The following DOCK4 variants were observed in gnomAD, a reference collection of about 807,000 sequenced individuals.
DOCK4 encodes the protein dedicator of cytokinesis 4.
DOCK4 carries 97 observed loss-of-function variants against 268.1 expected under a neutral mutation model. The ratio of observed to expected loss-of-function variants is 0.36; its 90% CI spans 0.31 to 0.43. The LOEUF (loss-of-function observed/expected upper bound fraction) is 0.43. Ranked by LOEUF, DOCK4 falls within the 20% of genes least tolerant of loss-of-function variation. The probability of loss-of-function intolerance (pLI) is 1.00; values close to 1 mark genes in which losing one functional copy is unlikely to be tolerated. For synonymous variants in DOCK4, 954 were observed against 887.2 expected (o/e 1.08, Z -1.34); for missense variants, 2,145 against 2,455.7 (o/e 0.87, Z 2.67).
At chr7:111,736,377 G>A (rs573504565) in intron 50 of DOCK4, among the ~76,000 whole-genome samples, 1 of 152,224 alleles carries the variant, frequency 6.6e-6, no homozygotes, top group African/African-American at 2.4e-5. Flanking sequence ...GATCCTAATT[G>A]GCTATTTACT....
At chr7:111,799,514 A>G (rs1437678284) in intron 30 of DOCK4, among the ~76,000 whole-genome samples, 1 of 152,226 alleles carries the variant, frequency 6.6e-6, no homozygotes, top group African/African-American at 2.4e-5. Flanking sequence ...CCCCTTTGGC[A>G]ATAAAAGTTA....
intron 16 of DOCK4, among the ~76,000 whole-genome samples, chr7:111,886,241 A>C (rs1807827307): frequency 6.6e-6 from 1 of 152,242 alleles, no homozygotes; most frequent in African/African-American, 2.4e-5. Flanking sequence ...ACCAGTTAAT[A>C]AAAACCAGAT....
intron 1 of DOCK4, among the ~76,000 whole-genome samples, chr7:112,132,572 C>T (rs181914909): frequency 3.3e-5 from 5 of 151,772 alleles, no homozygotes; most frequent in Non-Finnish European, 7.4e-5. Context: ...ATATAGAGAC[C>T]AGGCATGCAT....
intron 1 of DOCK4, among the ~76,000 whole-genome samples, chr7:112,191,950 C>T (rs947535389): frequency 6.8e-6 from 1 of 147,628 alleles, no homozygotes; most frequent in Non-Finnish European, 1.5e-5. Flanking sequence ...ACTATATATA[C>T]TTATATAATA....
intron 31 of DOCK4, among the ~76,000 whole-genome samples, chr7:111,789,590 A>G (rs1407084257): frequency 1.3e-5 from 2 of 152,218 alleles, no homozygotes; most frequent in Admixed American, 6.5e-5. Context: ...TTTCCTAAGT[A>G]CAATTTTTAA....
At chr7:112,184,532 T>TC (rs1007927734) in intron 1 of DOCK4, among the ~76,000 whole-genome samples, 5 of 152,034 alleles carry the variant, frequency 3.3e-5, no homozygotes, top group African/African-American at 4.8e-5. Context: ...TCTTTTTTTT[T>TC]CCTTTTGGAG....
At chr7:111,949,711 T>G (rs1406858997) in intron 8 of DOCK4, among the ~76,000 whole-genome samples, 1 of 152,200 alleles carries the variant, frequency 6.6e-6, no homozygotes, top group Non-Finnish European at 1.5e-5. Flanking sequence ...GACATGCTAT[T>G]GTTATGCCAA....
chr7:111,896,644 A>G (rs1808784541), intron 15 of DOCK4, among the ~76,000 whole-genome samples: 1 of 152,134 alleles, frequency 6.6e-6, no homozygotes, highest in Non-Finnish European at 1.5e-5. Flanking sequence ...GTGGAGCATT[A>G]TACTTGAACA....
In DOCK4 at chr7:112,024,507, C is replaced by T. The variant is rs1002164036; in HGVS notation, c.38-20376G>A. 3.3e-5 allele frequency among the ~76,000 whole-genome samples: 5 copies of T among 152,224 alleles called. No individual in the cohort carries two copies. In the South Asian group the frequency reaches 8.3e-4, roughly 25 times the overall value. On this transcript the variant is annotated intron_variant, in intron 1 of 52. Transcript: ENST00000428084. ...AGTCCTTTACCTCCTTTCTTGCCTC[C>T]TTTCTCTTACATCCTCTACCCAACC...
intron 52 of DOCK4, among the ~76,000 whole-genome samples, chr7:111,729,355 T>C (rs1238910909): frequency 2.0e-5 from 3 of 151,910 alleles, no homozygotes; most frequent in Non-Finnish European, 2.9e-5. Flanking sequence ...GCCAGGAGCT[T>C]GAGACCAGCC....
intron 7 of DOCK4, among the ~76,000 whole-genome samples, chr7:111,983,856 G>GCACACACA (rs1454832356): frequency 3.0e-4 from 28 of 92,002 alleles, no homozygotes; most frequent in African/African-American, 9.9e-4. Context: ...GCGCGCGCGC[G>GCACACACA]CGCGCGCACA....
chr7:112,085,829 GACA>G (rs1029198506), intron 1 of DOCK4, among the ~76,000 whole-genome samples: 75 of 152,048 alleles, frequency 4.9e-4, no homozygotes, highest in African/African-American at 1.4e-3. Context: ...GGCACAGGCA[GACA>G]ACAAGTCTCT....
intron 1 of DOCK4, among the ~76,000 whole-genome samples, chr7:112,174,000 C>T (rs559262038): frequency 1.6e-4 from 24 of 151,542 alleles, no homozygotes; most frequent in Admixed American, 1.4e-3. Flanking sequence ...GTTTTCCTTC[C>T]TCATTGCCTT....
chr7:111,821,603 T>C (rs1163476487), intron 27 of DOCK4: 1 of 152,262 alleles, frequency 6.6e-6, no homozygotes, highest in Non-Finnish European at 1.5e-5. Context: ...CAGATCATGC[T>C]GGATATGCTT....
intron 30 of DOCK4, among the ~76,000 whole-genome samples, chr7:111,804,414 T>TACCCCAGAA (rs1800519883): frequency 1.3e-5 from 2 of 152,188 alleles, no homozygotes; most frequent in Non-Finnish European, 2.9e-5. Flanking sequence ...AGTAGAATGG[T>TACCCCAGAA]AGTACCAGGG....
intron 11 of DOCK4, among the ~76,000 whole-genome samples, chr7:111,938,560 A>T (rs992606957): frequency 6.6e-6 from 1 of 152,130 alleles, no homozygotes; most frequent in Non-Finnish European, 1.5e-5. Context: ...GCCTGTGGGG[A>T]GGTGGCACGG....
chr7:112,164,308 T>C (rs1817397366), intron 1 of DOCK4, among the ~76,000 whole-genome samples: 1 of 152,096 alleles, frequency 6.6e-6, no homozygotes, highest in Non-Finnish European at 1.5e-5. Flanking sequence ...AAGGCATTTG[T>C]ATTCTAATCA....
intron 1 of DOCK4, among the ~76,000 whole-genome samples, chr7:112,064,144 T>G (rs922813655): frequency 8.5e-5 from 13 of 152,184 alleles, no homozygotes; most frequent in African/African-American, 2.4e-4. Flanking sequence ...GAGTGAGACA[T>G]GGCAGCAGCT....
chr7:112,081,378 G>A (rs537845867), intron 1 of DOCK4, among the ~76,000 whole-genome samples: 6 of 152,248 alleles, frequency 3.9e-5, no homozygotes, highest in African/African-American at 1.2e-4. Flanking sequence ...GGAGAAGCTG[G>A]TTATTACAGT....
Sources: allele counts gnomAD v4.1 joint callset (sites outside exome capture counted in the v4.1 genomes callset), GRCh38; gene constraint gnomAD v4.1.1; transcripts MANE v1.5; gene names NCBI Gene and HGNC (gene_info 2026-07-23, HGNC 2026-07-21).